ADGRL2: variants seen among roughly 807,000 people sequenced by gnomAD.
ADGRL2 encodes adhesion G protein-coupled receptor L2, also known as calcium-independent alpha-latrotoxin receptor 2.
ADGRL2 carries 44 observed loss-of-function variants against 157.4 expected under a neutral mutation model. The observed-to-expected ratio is 0.28, with a 90% CI of 0.22 to 0.36. ADGRL2 has a LOEUF of 0.36. ADGRL2 is among the 10% of genes least tolerant of loss of function. ADGRL2 has a pLI of 1.00. For synonymous variants in ADGRL2, 585 were observed against 624.7 expected (o/e 0.94, Z 0.95); for missense variants, 1,510 against 1,768.9 (o/e 0.85, Z 2.63).
chr1:81,390,993 C>T (rs1464258420), intron 1 of ADGRL2, among the ~76,000 whole-genome samples: 2 of 152,300 alleles, frequency 1.3e-5, no homozygotes, highest in Non-Finnish European at 2.9e-5. Context: ...AATACAAACA[C>T]TCATGGAAAC....
intron 11 of ADGRL2, among the ~76,000 whole-genome samples, chr1:81,959,090 T>C (rs1463520601): frequency 6.6e-6 from 1 of 152,180 alleles, no homozygotes; most frequent in Non-Finnish European, 1.5e-5. Flanking sequence ...TTGGCTGCCA[T>C]TTTTCCAAGT....
At chr1:81,811,061 T>C (rs1411065366) in intron 1 of ADGRL2, among the ~76,000 whole-genome samples, 1 of 151,880 alleles carries the variant, frequency 6.6e-6, no homozygotes, top group African/African-American at 2.4e-5. Context: ...TGACTTTTCA[T>C]ATTGTTACGG....
chr1:81,878,766 G>T (rs938432803), intron 2 of ADGRL2, among the ~76,000 whole-genome samples: 1 of 152,116 alleles, frequency 6.6e-6, no homozygotes, highest in African/African-American at 2.4e-5. Flanking sequence ...AGAGTAAATG[G>T]TGTCATGGGA....
intron 2 of ADGRL2, among the ~76,000 whole-genome samples, chr1:81,840,903 C>G (rs980799765): frequency 2.0e-5 from 3 of 151,992 alleles, no homozygotes; most frequent in East Asian, 3.9e-4. Flanking sequence ...TGCTTTGATT[C>G]TTTTGGCCAG....
intron 2 of ADGRL2, among the ~76,000 whole-genome samples, chr1:81,490,192 C>T (rs1203202043): frequency 6.7e-6 from 1 of 149,792 alleles, no homozygotes. Flanking sequence ...AGTGCAATGG[C>T]ACGATCTTGG....
chr1:81,907,371 T>TACTGCGACCACC, intron 3 of ADGRL2, 141 bp downstream of exon 3: 1 of 627,520 alleles, frequency 1.6e-6, no homozygotes, highest in Non-Finnish European at 2.8e-6. Flanking sequence ...CTACTAATGT[T>TACTGCGACCACC]GATATCTACA....
chr1:81,360,210 C>T (rs543572523), intron 1 of ADGRL2, among the ~76,000 whole-genome samples: 2 of 152,062 alleles, frequency 1.3e-5, no homozygotes, highest in East Asian at 3.9e-4. Context: ...ATTCCTTAAA[C>T]AAATCAAGAA....
intron 3 of ADGRL2, among the ~76,000 whole-genome samples, chr1:81,615,316 A>C (rs1302239498): frequency 6.6e-6 from 1 of 152,222 alleles, no homozygotes; most frequent in Non-Finnish European, 1.5e-5. Flanking sequence ...GAATCAAAGC[A>C]GGCCACCCGA....
At chr1:81,552,605 GAAAAAAAA>G (rs35795177) in intron 2 of ADGRL2, among the ~76,000 whole-genome samples, 1 of 103,994 alleles carries the variant, frequency 9.6e-6, no homozygotes, top group African/African-American at 3.8e-5. Flanking sequence ...ACTTTACTTA[GAAAAAAAA>G]AAAAAAAAAA....
intron 3 of ADGRL2, among the ~76,000 whole-genome samples, chr1:81,683,475 T>C (rs975621581): frequency 4.6e-5 from 7 of 152,216 alleles, no homozygotes; most frequent in Admixed American, 3.9e-4. Context: ...ATCTCCAAAG[T>C]CCATCATCAT....
intron 1 of ADGRL2, among the ~76,000 whole-genome samples, chr1:81,711,854 C>T (rs1456685723): frequency 6.6e-6 from 1 of 152,116 alleles, no homozygotes; most frequent in East Asian, 1.9e-4. Context: ...ACTTTGGGAA[C>T]CTACTCTAGA....
intron 3 of ADGRL2, among the ~76,000 whole-genome samples, chr1:81,658,269 A>G (rs1474795949): frequency 1.3e-5 from 2 of 151,906 alleles, no homozygotes; most frequent in Non-Finnish European, 2.9e-5. Flanking sequence ...CTAATTTTGT[A>G]TTTTTAGTAG....
At chr1:81,835,281 T>G (rs1235169739) in intron 1 of ADGRL2, among the ~76,000 whole-genome samples, 1 of 152,182 alleles carries the variant, frequency 6.6e-6, no homozygotes, top group Non-Finnish European at 1.5e-5. Flanking sequence ...CTTGCAGCAC[T>G]TCATCCACGC....
intron 3 of ADGRL2, among the ~76,000 whole-genome samples, chr1:81,644,984 T>C (rs1355110546): frequency 6.6e-6 from 1 of 152,214 alleles, no homozygotes; most frequent in Non-Finnish European, 1.5e-5. Context: ...ATGTAGTCCA[T>C]TGATTGGTAT....
intron 2 of ADGRL2, among the ~76,000 whole-genome samples, chr1:81,531,778 A>G (rs772930571): frequency 3.9e-5 from 6 of 152,196 alleles, no homozygotes; most frequent in Non-Finnish European, 8.8e-5. Flanking sequence ...AAGGGCCTAT[A>G]TTAGTTATTG....
At chr1:81,909,098 A>T (rs964182845) in intron 3 of ADGRL2, among the ~76,000 whole-genome samples, 1 of 151,848 alleles carries the variant, frequency 6.6e-6, no homozygotes, top group Non-Finnish European at 1.5e-5. Flanking sequence ...CTGGTCTCAA[A>T]CTCCCAACCT....
upstream of ADGRL2, among the ~76,000 whole-genome samples, chr1:81,796,071 AC>A (rs1214424046): frequency 2.6e-5 from 4 of 151,994 alleles, no homozygotes; most frequent in Non-Finnish European, 5.9e-5. Context: ...GCTCACTGCA[AC>A]CTCTGACCCC....
intron 3 of ADGRL2, among the ~76,000 whole-genome samples, chr1:81,638,268 C>T (rs955548958): frequency 6.6e-6 from 1 of 151,984 alleles, no homozygotes; most frequent in African/African-American, 2.4e-5. Context: ...ATTAGACCTG[C>T]CTTGCAAGGA....
At chr1:81,989,547 T>C in intron 23 of ADGRL2, 1 of 726,210 alleles carries the variant, frequency 1.4e-6, no homozygotes, top group Non-Finnish European at 2.3e-6. Context: ...AAAAGGCTGC[T>C]ATTGCTGGTA....
Sources: allele counts gnomAD v4.1 joint callset (sites outside exome capture counted in the v4.1 genomes callset), GRCh38; gene constraint gnomAD v4.1.1; transcripts MANE v1.5; gene names NCBI Gene and HGNC (gene_info 2026-07-23, HGNC 2026-07-21).